The following FGD4 variants were observed in gnomAD, a reference collection of about 807,000 sequenced individuals.
FGD4 encodes FYVE, RhoGEF and PH domain-containing protein 4.
In FGD4, 42 loss-of-function variants were observed where a neutral mutation model predicts 102.0. The ratio of observed to expected loss-of-function variants is 0.41; its 90% CI spans 0.32 to 0.53. The LOEUF is 0.53. FGD4 is among the 20% of genes least tolerant of loss of function. The pLI is 0.21. For missense variants in FGD4, 902 were observed against 1,078.2 expected (o/e 0.84, Z 2.29); for synonymous variants, 380 against 375.7 (o/e 1.01, Z -0.13).
intron 1 of FGD4, among the ~76,000 whole-genome samples, chr12:32,442,304 C>T (rs983623233): frequency 6.6e-6 from 1 of 152,120 alleles, no homozygotes. Flanking sequence ...CCACCCACCT[C>T]AGCCCCCCAA....
chr12:32,592,043 C>G (rs556312210), intron 4 of FGD4, among the ~76,000 whole-genome samples: 2 of 152,104 alleles, frequency 1.3e-5, no homozygotes, highest in Admixed American at 6.5e-5. Flanking sequence ...ATGAGTATAG[C>G]ATTGTGTATG....
At chr12:32,628,675 G>A (rs1222253311) in intron 14 of FGD4, among the ~76,000 whole-genome samples, 2 of 152,090 alleles carry the variant, frequency 1.3e-5, no homozygotes, top group Non-Finnish European at 2.9e-5. Flanking sequence ...GTGCATGCCT[G>A]TAATTCCAGC....
At position 32,560,409 on chromosome 12, in the gene FGD4, A is replaced by G. The variant is rs996406717; in HGVS notation, c.167-3728A>G. ...TGGGACTACAGATGTATGCCACCAC[A>G]CCCAGTTAATGTTTTTTGTATTTTT... is the stretch of plus-strand genomic sequence containing the variant. On this transcript the variant is annotated intron_variant, in intron 1 of 16. Transcript: ENST00000534526. Among the ~76,000 whole-genome samples, 6 of 151,786 alleles carry G rather than the reference A, an allele frequency of 4.0e-5. No individual in the cohort carries two copies. The South Asian group carries it at 1.2e-3, about 32-fold the overall frequency.
chr12:32,569,498 C>G (rs938186242), intron 2 of FGD4, among the ~76,000 whole-genome samples: 1 of 152,172 alleles, frequency 6.6e-6, no homozygotes, highest in Non-Finnish European at 1.5e-5. Context: ...GAAAGCCCTT[C>G]CCCAAACAGT....
In FGD4 at chr12:32,570,693, G is replaced by A. The variant is rs139055689; in HGVS notation, c.320-5573G>A. Among the ~76,000 whole-genome samples, 243 of 152,114 alleles carry A rather than the reference G, an allele frequency of 1.6e-3. 1 individual carries two copies. The highest frequency in any genetic ancestry group is 0.013 in the South Asian group (63 of 4,812). The stretch of plus-strand genomic sequence containing the variant: ...TGACCTCAGGTGAGCCACCTGCCTC[G>A]GCCTCCCAAAGTGCTAGGATTACAG... On this transcript the variant is annotated intron_variant, in intron 2 of 16. Coordinates refer to ENST00000534526, the MANE Select transcript of FGD4 (RefSeq NM_001370298.3).
intron 1 of FGD4, among the ~76,000 whole-genome samples, chr12:32,539,955 A>G (rs111851802): frequency 0.013 from 1,923 of 152,308 alleles, 47 homozygotes; most frequent in African/African-American, 0.044. Context: ...TAGAAATATC[A>G]TGTTTTTCTC....
intron 10 of FGD4, among the ~76,000 whole-genome samples, chr12:32,615,956 T>C (rs979628511): frequency 1.8e-4 from 28 of 152,126 alleles, no homozygotes; most frequent in Non-Finnish European, 4.1e-4. Flanking sequence ...AAAGGCGTGT[T>C]ACTCTCTCTA....
At chr12:32,453,225 AGATATATATATATTT>A (rs371672134) in intron 1 of FGD4, among the ~76,000 whole-genome samples, 9,883 of 74,596 alleles carry the variant, frequency 0.13, 654 homozygotes, top group Non-Finnish European at 0.16. Context: ...TATATAATAT[AGATATATATATATTT>A]TTTTTTTTTT....
Position 32,596,696 on chromosome 12 carries a change from G to A in FGD4, c.1012-1801G>A, listed in dbSNP as rs181382980. On this transcript the variant is annotated intron_variant, in intron 4 of 16. Coordinates refer to ENST00000534526, the MANE Select transcript of FGD4 (RefSeq NM_001370298.3). ...CATGCCTGTAATCCCAGCACTTTGCGGGGCTGAGGCGGGCGGATCACCTGA... is the reference window on the plus strand; with the variant it reads ...CATGCCTGTAATCCCAGCACTTTGCAGGGCTGAGGCGGGCGGATCACCTGA... 5.1e-3 allele frequency among the ~76,000 whole-genome samples: 768 copies of A among 152,026 alleles called. 2 individuals carry two copies. The highest frequency in any genetic ancestry group is 0.016 in the South Asian group (79 of 4,818).
At chr12:32,622,013 G>A (rs754902796) in intron 11 of FGD4, among the ~76,000 whole-genome samples, 1 of 151,874 alleles carries the variant, frequency 6.6e-6, no homozygotes, top group African/African-American at 2.4e-5. Flanking sequence ...TCAGCCTCCC[G>A]AGTAGCTGGG....
chr12:32,440,227 G>C (rs1410172822), intron 1 of FGD4, among the ~76,000 whole-genome samples: 1 of 152,180 alleles, frequency 6.6e-6, no homozygotes, highest in African/African-American at 2.4e-5. Flanking sequence ...CAGTATCTGG[G>C]CATTGAAGAG....
intron 14 of FGD4, 43 bp from the exon 15 acceptor site, chr12:32,633,506 T>C (rs1305383998): frequency 6.3e-7 from 1 of 1,580,044 alleles, no homozygotes; most frequent in East Asian, 2.3e-5. Flanking sequence ...TTAAATCATA[T>C]CCTTTAAATA....
intron 1 of FGD4, among the ~76,000 whole-genome samples, chr12:32,426,298 C>T (rs1351684533): frequency 6.6e-6 from 1 of 152,048 alleles, no homozygotes. Context: ...TATCGAAGGC[C>T]TTTTCTGCAT....
chr12:32,563,019 C>T lies in FGD4; in HGVS notation c.167-1118C>T, dbSNP rs576963169. On this transcript the variant is annotated intron_variant, in intron 1 of 16. Coordinates refer to ENST00000534526, the MANE Select transcript of FGD4 (RefSeq NM_001370298.3). ...GCAGAGGTGCCCCTCACCTCCCGGA[C>T]GGGGCGGCTGGCCGGGCGGGGGGCT... is the stretch of plus-strand genomic sequence containing the variant. 3.1e-3 allele frequency among the ~76,000 whole-genome samples: 475 copies of T among 151,002 alleles called. 1 individual carries two copies. Among genetic ancestry groups the T allele is most frequent in the Non-Finnish European group, 5.4e-3 (362 of 67,606 alleles).
rs181128116 is a variant in FGD4 at position 32,622,592 on chromosome 12, T to C, written c.1923-1830T>C. ...AATTAAGTGATTACTTTTGGTATGA[T>C]CTATCATGCTCTTTTTTGAGGCAGA... On this transcript the variant is annotated intron_variant, in intron 11 of 16. Transcript: ENST00000534526. 2.4e-3 allele frequency among the ~76,000 whole-genome samples: 360 copies of C among 152,330 alleles called. 2 individuals carry two copies. The highest frequency in any genetic ancestry group is 8.1e-3 in the African/African-American group (337 of 41,580).
chr12:32,537,897 GTTTGT>G (rs1555198141), intron 1 of FGD4, among the ~76,000 whole-genome samples: 1 of 151,950 alleles, frequency 6.6e-6, no homozygotes, highest in Non-Finnish European at 1.5e-5. Flanking sequence ...TTTTTTGTTT[GTTTGT>G]TTTGTTTTGT....
At position 32,506,596 on chromosome 12, in the gene FGD4, C is replaced by G. The variant is rs1207138409; in HGVS notation, c.167-57541C>G. 2.0e-5 allele frequency among the ~76,000 whole-genome samples: 3 copies of G among 152,298 alleles called. No individual in the cohort carries two copies. Among genetic ancestry groups the G allele is most frequent in the Admixed American group, 6.5e-5 (1 of 15,294 alleles). ...ACCCGCACTTGCATACTTAATCTCCCTTTCTTCTGCTCCCTGCACCAACCC... is the reference window on the plus strand; with the variant it reads ...ACCCGCACTTGCATACTTAATCTCCGTTTCTTCTGCTCCCTGCACCAACCC... On this transcript the variant is annotated intron_variant, in intron 1 of 16. Transcript: ENST00000534526. This position sits in a 1 kb window ranked among gnomAD's most constrained non-coding sequence, Gnocchi z 4.5.
At chr12:32,632,373 A>G (rs1030983971) in intron 14 of FGD4, among the ~76,000 whole-genome samples, 11 of 152,242 alleles carry the variant, frequency 7.2e-5, no homozygotes, top group African/African-American at 2.4e-5. Context: ...AAGAAAACAC[A>G]GAGAACACTG....
In FGD4 at chr12:32,641,524, T is replaced by C. The variant is rs531598673; in HGVS notation, c.*991T>C. On this transcript the variant is annotated 3_prime_UTR_variant, in exon 17 of 17. Transcript: ENST00000534526. ...TTGGTCACTGGGACAGTCAAAGTCA[T>C]ACAGGTTATTTTACCGTTTACAATC... The C allele has an allele frequency of 6.6e-6, 1 of 152,330 alleles. No individual in the cohort carries two copies. Among genetic ancestry groups the C allele is most frequent in the Admixed American group, 6.5e-5 (1 of 15,300 alleles). 9.4% of individuals were successfully genotyped at this position (152,330 alleles called of 1,614,324 possible). A position where few individuals can be genotyped will look rare whatever the true frequency, so the allele number is the denominator to read the frequency against.
Sources: allele counts gnomAD v4.1 joint callset (sites outside exome capture counted in the v4.1 genomes callset), GRCh38; gene constraint gnomAD v4.1.1; non-coding constraint Gnocchi (gnomAD v3.1); transcripts MANE v1.5; gene names NCBI Gene and HGNC (gene_info 2026-07-23, HGNC 2026-07-21).